Variants in CLASP2 observed in about 807,000 individuals in gnomAD.
CLASP2 encodes CLIP-associating protein 2.
A neutral mutation model predicts 194.4 loss-of-function variants in CLASP2; 47 were observed. The observed-to-expected ratio is 0.24, with a 90% CI of 0.19 to 0.31. The LOEUF (loss-of-function observed/expected upper bound fraction) is 0.31, where lower values mean the gene tolerates loss of function less well. CLASP2 is among the 10% of genes least tolerant of loss of function. The pLI is 1.00. For synonymous variants in CLASP2, 619 were observed against 633.5 expected, an observed-to-expected ratio of 0.98 and a Z score of 0.34; for missense variants, 1,445 against 1,823.6, an observed-to-expected ratio of 0.79 and a Z score of 3.78.
chr3:33,706,766 A>G (rs1434660938), intron 1 of CLASP2, among the ~76,000 whole-genome samples: 1 of 152,036 alleles, frequency 6.6e-6, no homozygotes, highest in Non-Finnish European at 1.5e-5. Context: ...GTTCGAGACC[A>G]GCCTGGGCAA....
intron 34 of CLASP2, among the ~76,000 whole-genome samples, chr3:33,527,550 C>T (rs1307753554): frequency 6.6e-6 from 1 of 152,164 alleles, no homozygotes; most frequent in Non-Finnish European, 1.5e-5. Flanking sequence ...CAAATAAAAG[C>T]TGGTACCATT....
At chr3:33,640,322 A>C (rs1357842263) in intron 8 of CLASP2, among the ~76,000 whole-genome samples, 1 of 152,222 alleles carries the variant, frequency 6.6e-6, no homozygotes, top group East Asian at 1.9e-4. Context: ...CATCATTTGT[A>C]GAAAATAGAT....
At chr3:33,637,984 T>C (rs944514853) in intron 8 of CLASP2, among the ~76,000 whole-genome samples, 28 of 152,200 alleles carry the variant, frequency 1.8e-4, no homozygotes, top group Admixed American at 1.8e-3. Flanking sequence ...GTTTATTAAA[T>C]CATGGTACAT....
chr3:33,663,295 C>A, intron 7 of CLASP2, 150 bp downstream of exon 7: 3 of 426,610 alleles, frequency 7.0e-6, no homozygotes, highest in Non-Finnish European at 1.2e-5. Flanking sequence ...AGATAATTAT[C>A]AGCAGGATGT....
chr3:33,562,921 C>T (rs1229486190), intron 27 of CLASP2, among the ~76,000 whole-genome samples: 1 of 152,098 alleles, frequency 6.6e-6, no homozygotes, highest in African/African-American at 2.4e-5. Flanking sequence ...TACCAGATGA[C>T]CTAACTTATC....
intron 13 of CLASP2, among the ~76,000 whole-genome samples, chr3:33,610,826 C>T (rs920933200): frequency 6.6e-6 from 1 of 152,210 alleles, no homozygotes; most frequent in South Asian, 2.1e-4. Flanking sequence ...GACTGAACAA[C>T]TGTTGTCAAA....
At position 33,622,037 on chromosome 3, in the gene CLASP2, T is replaced by C. The variant is rs1361852528; in HGVS notation, c.1181+98A>G. 3.3e-6 allele frequency: 3 copies of C among 916,684 alleles called. No individual in the cohort carries two copies. The Admixed American group carries it at 1.0e-4, about 31-fold the overall frequency. 56.8% of individuals were successfully genotyped at this position (916,684 alleles called of 1,614,324 possible). On this transcript the variant is annotated intron_variant, in intron 11 of 38. Transcript: ENST00000682230. ...AAAATGATTTTTGGATCATATACTT[T>C]TTTAGCTATCTTGCTACTGCTTGAC...
intron 36 of CLASP2, among the ~76,000 whole-genome samples, chr3:33,514,225 T>C (rs1378874979): frequency 6.6e-6 from 1 of 152,152 alleles, no homozygotes; most frequent in Non-Finnish European, 1.5e-5. Flanking sequence ...TGACCTCAAG[T>C]GATCCACCTG....
intron 12 of CLASP2, among the ~76,000 whole-genome samples, chr3:33,614,191 G>T (rs969306811): frequency 2.0e-5 from 3 of 152,094 alleles, no homozygotes; most frequent in Non-Finnish European, 2.9e-5. Context: ...GTATAATAAC[G>T]TGAAAAATGA....
intron 34 of CLASP2, among the ~76,000 whole-genome samples, chr3:33,524,813 T>C (rs1164564049): frequency 6.6e-6 from 1 of 152,044 alleles, no homozygotes; most frequent in Non-Finnish European, 1.5e-5. Context: ...TGACAGACCA[T>C]CAAAATATAT....
intron 34 of CLASP2, among the ~76,000 whole-genome samples, chr3:33,526,452 C>T (rs1361233218): frequency 6.6e-6 from 1 of 152,054 alleles, no homozygotes; most frequent in Non-Finnish European, 1.5e-5. Context: ...ATATATGCAC[C>T]CAACACAGGA....
chr3:33,553,212 T>C (rs1393221372), intron 29 of CLASP2, among the ~76,000 whole-genome samples: 1 of 152,172 alleles, frequency 6.6e-6, no homozygotes, highest in Non-Finnish European at 1.5e-5. Flanking sequence ...TAAAATAAGG[T>C]TCTGACACTT....
chr3:33,513,429 G>A (rs563721208), intron 36 of CLASP2, among the ~76,000 whole-genome samples: 64 of 152,196 alleles, frequency 4.2e-4, no homozygotes, highest in African/African-American at 1.5e-3. Context: ...CTATTTGGGA[G>A]GCTGAGGCAG....
chr3:33,560,056 T>C (rs2061564117), intron 28 of CLASP2, among the ~76,000 whole-genome samples: 1 of 150,618 alleles, frequency 6.6e-6, no homozygotes, highest in Non-Finnish European at 1.5e-5. Flanking sequence ...AAACAGATAT[T>C]TGAAATAAGT....
intron 21 of CLASP2, among the ~76,000 whole-genome samples, chr3:33,587,082 C>T (rs2067552492): frequency 6.6e-6 from 1 of 152,022 alleles, no homozygotes; most frequent in East Asian, 1.9e-4. Flanking sequence ...TAAATGGAGA[C>T]AGACTAGACA....
intron 23 of CLASP2, among the ~76,000 whole-genome samples, chr3:33,578,073 C>A (rs897474380): frequency 3.9e-5 from 6 of 152,214 alleles, no homozygotes; most frequent in Non-Finnish European, 7.3e-5. Flanking sequence ...AGCCACACTA[C>A]TAGTAAGTGA....
chr3:33,636,033 T>C lies in CLASP2; in HGVS notation c.863-3662A>G, dbSNP rs576253895. Among the ~76,000 whole-genome samples, 6 of 152,340 alleles carry C rather than the reference T, an allele frequency of 3.9e-5. No homozygotes were observed. In the South Asian group the frequency reaches 1.2e-3, roughly 32 times the overall value. On this transcript the variant is annotated intron_variant, in intron 8 of 38. Coordinates refer to ENST00000682230, the MANE Select transcript of CLASP2 (RefSeq NM_001365631.1). Reference sequence around the variant, plus strand: ...AATCCTGGTAGTTAGTTGTATAACGTAGACACCAACTAAGGTTCTCTCTAG... The same window carrying C: ...AATCCTGGTAGTTAGTTGTATAACGCAGACACCAACTAAGGTTCTCTCTAG...
Position 33,551,335 on chromosome 3 carries a change from A to T in CLASP2, c.3070T>A (p.Phe1024Ile). Residue 1024 changes from phenylalanine (F) to isoleucine (I), a missense_variant, in exon 30 of 39, where the codon TTT becomes ATT. By Grantham distance (21) the Phe-to-Ile change is conservative. Coordinates refer to ENST00000682230, the MANE Select transcript of CLASP2 (RefSeq NM_001365631.1). ...TLAKQMDPGD[F>I]INSSETRLAV... ...AGGCGAGTTTCACTGGAATTTATAA[A>T]ATCTCCTGGATCCATCTGTTTGGCC... The T allele has an allele frequency of 6.2e-7, 1 of 1,613,872 alleles. No individual in the cohort carries two copies. The highest frequency in any genetic ancestry group is 8.5e-7 in the Non-Finnish European group (1 of 1,179,814).
chr3:33,498,658 G>A lies in CLASP2; in HGVS notation c.4494C>T (p.Pro1498=). The change falls in exon 39 of 39, where the codon CCC becomes CCT. Residue 1498 remains proline, a synonymous_variant. Transcript: ENST00000682230. The part of the protein sequence containing the change: ...RAQTGSGGAD[P]TTDVSGQS ...AACTTTGTCCAGAAACATCAGTAGT[G>A]GGATCAGCTCCTCCAGAACCTGTTT... The A allele has an allele frequency of 1.2e-6, 2 of 1,613,060 alleles. No homozygotes were observed. Among genetic ancestry groups the A allele is most frequent in the Non-Finnish European group, 1.7e-6 (2 of 1,179,208 alleles).
Sources: gnomAD v4.1 joint callset for allele counts (sites outside exome capture counted in the v4.1 genomes callset) on GRCh38, gnomAD v4.1.1 for gene constraint, MANE v1.5 for transcripts, NCBI Gene and HGNC (gene_info 2026-07-23, HGNC 2026-07-21) for gene names.